The following RUNX1 variants were observed in gnomAD, a reference collection of about 807,000 sequenced individuals.
RUNX1 encodes the protein runt-related transcription factor 1.
A neutral mutation model predicts 42.8 loss-of-function variants in RUNX1; 19 were observed. The ratio of observed to expected loss-of-function variants is 0.44; its 90% CI spans 0.31 to 0.65. The LOEUF is 0.65. Ranked by LOEUF, RUNX1 falls within the 30% of genes least tolerant of loss-of-function variation. The probability of loss-of-function intolerance (pLI) is 0.07; values close to 1 mark genes in which losing one functional copy is unlikely to be tolerated. For missense variants in RUNX1, 528 were observed against 672.0 expected (o/e 0.79, Z 2.37); for synonymous variants, 271 against 289.4 (o/e 0.94, Z 0.64).
intron 2 of RUNX1, among the ~76,000 whole-genome samples, chr21:35,048,176 C>T (rs2059414569): frequency 6.6e-6 from 1 of 152,222 alleles, no homozygotes; most frequent in Non-Finnish European, 1.5e-5. Context: ...TCCTTTCTCT[C>T]TTGAAAGATG....
chr21:35,007,927 C>T lies in RUNX1; in HGVS notation c.58+40915G>A, dbSNP rs546816701. Among the ~76,000 whole-genome samples the T allele has an allele frequency of 3.3e-5, 5 of 152,254 alleles. No individual in the cohort carries two copies. The East Asian group carries it at 9.7e-4, about 29-fold the overall frequency. On this transcript the variant is annotated intron_variant, in intron 2 of 8. Coordinates refer to ENST00000675419, the MANE Select transcript of RUNX1 (RefSeq NM_001754.5). Reference sequence around the variant, plus strand: ...GCTCTTCAGCCTGGCATTCACAGCCCTTTAGAACTCAGCCCCATTTTATGG... The same window carrying T: ...GCTCTTCAGCCTGGCATTCACAGCCTTTTAGAACTCAGCCCCATTTTATGG...
intron 2 of RUNX1, among the ~76,000 whole-genome samples, chr21:34,913,396 G>C (rs77428479): frequency 0.013 from 1,945 of 152,282 alleles, 32 homozygotes; most frequent in African/African-American, 0.044. Flanking sequence ...AGAATGGAGA[G>C]GTGCAGATGG....
At chr21:35,035,204 G>A (rs975589852) in intron 2 of RUNX1, among the ~76,000 whole-genome samples, 1 of 152,252 alleles carries the variant, frequency 6.6e-6, no homozygotes, top group African/African-American at 2.4e-5. Flanking sequence ...TTCTGATTCA[G>A]TGCTCGCAAC....
rs2058811113 is a variant in RUNX1 at position 34,977,412 on chromosome 21, A to T, written c.58+71430T>A. The stretch of plus-strand genomic sequence containing the variant: ...TACCCCAGGAGGGTTATCTTGGTTC[A>T]CTGAGCTTGGGCTATGGATTTAGGT... On this transcript the variant is annotated intron_variant, in intron 2 of 8. Transcript: ENST00000675419. Among the ~76,000 whole-genome samples the T allele has an allele frequency of 9.2e-5, 14 of 152,322 alleles. No homozygotes were observed. In the South Asian group the frequency reaches 2.9e-3, roughly 32 times the overall value.
intron 8 of RUNX1, among the ~76,000 whole-genome samples, chr21:34,793,281 C>A (rs138850381): frequency 6.6e-6 from 1 of 151,446 alleles, no homozygotes; most frequent in African/African-American, 2.4e-5. Context: ...TAATATAATA[C>A]GGTAATATAG....
chr21:34,917,136 G>A (rs1217237704), intron 2 of RUNX1, among the ~76,000 whole-genome samples: 1 of 152,196 alleles, frequency 6.6e-6, no homozygotes, highest in Non-Finnish European at 1.5e-5. Flanking sequence ...GAAGGACTCT[G>A]AGCAGCAGAG....
chr21:34,969,900 T>C (rs2058750052), intron 2 of RUNX1, among the ~76,000 whole-genome samples: 1 of 152,176 alleles, frequency 6.6e-6, no homozygotes, highest in African/African-American at 2.4e-5. Context: ...TGAGGATTGT[T>C]TTATGTGGGA....
chr21:34,861,320 C>G (rs1056114328), intron 5 of RUNX1, among the ~76,000 whole-genome samples: 1 of 152,148 alleles, frequency 6.6e-6, no homozygotes, highest in South Asian at 2.1e-4. Context: ...GAAGATGCTG[C>G]CGCAGAGGGA....
intron 2 of RUNX1, among the ~76,000 whole-genome samples, chr21:34,928,573 A>AAGGAGG (rs1601580639): frequency 6.6e-6 from 1 of 151,890 alleles, no homozygotes; most frequent in East Asian, 1.9e-4. Flanking sequence ...GCATGCCTGT[A>AAGGAGG]AGGAGGCTGA....
chr21:35,031,358 G>A (rs1447210066), intron 2 of RUNX1, among the ~76,000 whole-genome samples: 1 of 152,006 alleles, frequency 6.6e-6, no homozygotes, highest in East Asian at 1.9e-4. Flanking sequence ...CAAAAAAATA[G>A]AAAAATCAAG....
chr21:34,852,495 A>G (rs1037042034), intron 6 of RUNX1, among the ~76,000 whole-genome samples: 2 of 152,350 alleles, frequency 1.3e-5, no homozygotes, highest in African/African-American at 4.8e-5. Context: ...AATTCGCTGG[A>G]AACATTTAGG....
chr21:34,852,950 T>C (rs1045306679), intron 6 of RUNX1, among the ~76,000 whole-genome samples: 3 of 152,206 alleles, frequency 2.0e-5, no homozygotes, highest in African/African-American at 7.2e-5. Context: ...TTCATAATCA[T>C]TCAAGAGCAA....
chr21:35,006,456 T>C (rs547674386), intron 2 of RUNX1, among the ~76,000 whole-genome samples: 4 of 152,170 alleles, frequency 2.6e-5, no homozygotes, highest in Non-Finnish European at 5.9e-5. Flanking sequence ...CTAGCAGACA[T>C]AGAAGAAAAC....
intron 3 of RUNX1, among the ~76,000 whole-genome samples, chr21:34,891,237 G>A (rs189300990): frequency 1.3e-5 from 2 of 152,090 alleles, no homozygotes; most frequent in Non-Finnish European, 2.9e-5. Flanking sequence ...CAGCGTCGTG[G>A]GAGCTGCTCA....
At chr21:34,806,218 A>G (rs987458433) in intron 7 of RUNX1, among the ~76,000 whole-genome samples, 7 of 152,224 alleles carry the variant, frequency 4.6e-5, no homozygotes, top group East Asian at 1.9e-4. Context: ...ACAAGACCCA[A>G]CTACATATTG....
At chr21:34,801,424 T>A (rs918352423) in intron 7 of RUNX1, among the ~76,000 whole-genome samples, 1 of 152,250 alleles carries the variant, frequency 6.6e-6, no homozygotes, top group Non-Finnish European at 1.5e-5. Context: ...AACTCATAAT[T>A]AAACCATGCA....
chr21:34,834,182 G>A (rs1485834373), intron 7 of RUNX1: 1 of 700,950 alleles, frequency 1.4e-6, no homozygotes, highest in East Asian at 2.7e-5. Flanking sequence ...GCTTTTCCTT[G>A]TGGGGATCTG....
chr21:34,963,849 T>C (rs1250191196), intron 2 of RUNX1, among the ~76,000 whole-genome samples: 1 of 152,202 alleles, frequency 6.6e-6, no homozygotes, highest in Admixed American at 6.5e-5. Flanking sequence ...AGAGACCCAC[T>C]GGGCCTGACT....
rs906688593 is a variant in RUNX1, at chr21:34,930,713, TCTCTCTCACA to T, written c.59-37760_59-37751del. ...CTGCCACACACACACACTCTCTCTCTCTCTCTCACACACACACACACACACACACACTCCA... is the reference window on the plus strand; with the variant it reads ...CTGCCACACACACACACTCTCTCTCTCACACACACACACACACACACTCCA... On this transcript the variant is annotated intron_variant, in intron 2 of 8. Transcript: ENST00000675419. Among the ~76,000 whole-genome samples the T allele has an allele frequency of 2.3e-4, 32 of 141,744 alleles. 1 individual carries two copies. Among genetic ancestry groups the T allele is most frequent in the South Asian group, 8.5e-4 (4 of 4,682 alleles). The allele number at this position is 141,744 out of a possible 152,430, so 93.0% of individuals were successfully genotyped here.
Sources: gnomAD v4.1 joint callset for allele counts (sites outside exome capture counted in the v4.1 genomes callset) on GRCh38, gnomAD v4.1.1 for gene constraint, MANE v1.5 for transcripts, NCBI Gene and HGNC (gene_info 2026-07-23, HGNC 2026-07-21) for gene names.